Variants in EGFR observed in about 807,000 individuals in gnomAD.
EGFR encodes avian erythroblastic leukemia viral (v-erb-b) oncogene homolog.
In EGFR, 58 loss-of-function variants were observed where a neutral mutation model predicts 143.0. That is an observed-to-expected ratio of 0.41 (90% CI 0.33 to 0.50). The LOEUF (loss-of-function observed/expected upper bound fraction) is 0.50, where lower values mean the gene tolerates loss of function less well. Ranked by LOEUF, EGFR falls within the 20% of genes least tolerant of loss-of-function variation. The pLI is 0.39. For missense variants in EGFR, 1,307 were observed against 1,579.0 expected, an observed-to-expected ratio of 0.83 and a Z score of 2.92; for synonymous variants, 613 against 594.4, an observed-to-expected ratio of 1.03 and a Z score of -0.45.
Position 55,143,379 on chromosome 7 carries a change from G to C in EGFR, c.315G>C (p.Gln105His), listed in dbSNP as rs141271101. Residue 105 changes from glutamine (Q) to histidine (H), a missense_variant, in exon 3 of 28, where the codon CAG becomes CAC. By Grantham distance (24) the Gln-to-His change is conservative. Transcript: ENST00000275493. ...TVERIPLENL[Q>H]IIRGNMYYEN... is the part of the protein sequence containing the mutation. ...AGCGAATTCCTTTGGAAAACCTGCA[G>C]ATCATCAGAGGAAATATGTACTACG... 2.5e-6 allele frequency: 4 copies of C among 1,614,226 alleles called. No homozygotes were observed. The East Asian group carries it at 8.9e-5, about 36-fold the overall frequency.
chr7:55,044,511 G>T (rs1788077978), intron 1 of EGFR, among the ~76,000 whole-genome samples: 1 of 152,204 alleles, frequency 6.6e-6, no homozygotes, highest in African/African-American at 2.4e-5. Context: ...CTCAGCAGCT[G>T]CCCAGATCCC....
At chr7:55,083,560 C>T (rs115807846) in intron 1 of EGFR, among the ~76,000 whole-genome samples, 7 of 152,328 alleles carry the variant, frequency 4.6e-5, no homozygotes, top group African/African-American at 1.7e-4. Context: ...TGCAGTATAA[C>T]CAAAACAGGC....
Position 55,155,928 on chromosome 7 carries a change from G to GGC in EGFR, c.988_989insGC (p.Glu330GlyfsTer12). The GGC allele has an allele frequency of 6.2e-7, 1 of 1,613,752 alleles. No homozygotes were observed. Among genetic ancestry groups the GGC allele is most frequent in the Non-Finnish European group, 8.5e-7 (1 of 1,179,874 alleles). On this transcript the variant is annotated frameshift_variant, in exon 8 of 28. Coordinates refer to ENST00000275493, the MANE Select transcript of EGFR (RefSeq NM_005228.5). LOFTEE classifies it high-confidence loss of function. Reference sequence around the variant, plus strand: ...CGGCGTCCGCAAGTGTAAGAAGTGCGAAGGGCCTTGCCGCAAAGGTAGGAA... The same window carrying GGC: ...CGGCGTCCGCAAGTGTAAGAAGTGCGGCAAGGGCCTTGCCGCAAAGGTAGGAA...
intron 1 of EGFR, among the ~76,000 whole-genome samples, chr7:55,051,693 A>T (rs1055533313): frequency 1.1e-4 from 17 of 152,212 alleles, no homozygotes; most frequent in Non-Finnish European, 2.1e-4. Flanking sequence ...ACCTTTAAAG[A>T]CTGCCAGTCC....
At chr7:55,201,131 A>G (rs2128971351) in intron 24 of EGFR, 57 bp from the exon 25 acceptor site, 2 of 1,611,682 alleles carry the variant, frequency 1.2e-6, no homozygotes, top group Non-Finnish European at 1.7e-6. Context: ...CCTATAGCCA[A>G]GAAGTGGAAT....
In EGFR at chr7:55,202,136, T is replaced by C. The variant is rs189636543; in HGVS notation, c.3162+354T>C. Among the ~76,000 whole-genome samples, 520 of 152,340 alleles carry C rather than the reference T, an allele frequency of 3.4e-3. 1 individual carries two copies. The highest frequency in any genetic ancestry group is 5.1e-3 in the Non-Finnish European group (344 of 68,016). On this transcript the variant is annotated intron_variant, in intron 26 of 27. Coordinates refer to ENST00000275493, the MANE Select transcript of EGFR (RefSeq NM_005228.5). ...CCGTGGTCTAGACCGCACTGTGCCA[T>C]GCAGAAACCACTAGCCACATGTGGC...
intron 14 of EGFR, among the ~76,000 whole-genome samples, chr7:55,164,868 A>C (rs1785887675): frequency 6.6e-6 from 1 of 152,076 alleles, no homozygotes; most frequent in Non-Finnish European, 1.5e-5. Flanking sequence ...CTGGAGAAAC[A>C]CTCATGTGGG....
At chr7:55,175,199 G>A (rs1002365938) in intron 19 of EGFR, among the ~76,000 whole-genome samples, 1 of 152,220 alleles carries the variant, frequency 6.6e-6, no homozygotes, top group African/African-American at 2.4e-5. Flanking sequence ...CTGGGATAGG[G>A]TTTAAGCCCC....
chr7:55,091,969 G>A (rs868652298), intron 1 of EGFR, among the ~76,000 whole-genome samples: 2 of 151,626 alleles, frequency 1.3e-5, no homozygotes, highest in Non-Finnish European at 2.9e-5. Context: ...CTCTAATGAA[G>A]GTTTATTAAT....
At chr7:55,201,905 G>T (rs1411407098) in intron 26 of EGFR, 123 bp downstream of exon 26, 2 of 1,216,522 alleles carry the variant, frequency 1.6e-6, no homozygotes, top group African/African-American at 1.5e-5. Context: ...TCCTGTGTGG[G>T]TTTTTCCCTG....
chr7:55,073,423 A>T (rs1213388210), intron 1 of EGFR, among the ~76,000 whole-genome samples: 1 of 152,218 alleles, frequency 6.6e-6, no homozygotes, highest in Non-Finnish European at 1.5e-5. Flanking sequence ...ACATGCTGGA[A>T]AGGCTTCTGC....
At chr7:55,067,266 C>T (rs1159550268) in intron 1 of EGFR, among the ~76,000 whole-genome samples, 1 of 146,010 alleles carries the variant, frequency 6.8e-6, no homozygotes, top group Non-Finnish European at 1.5e-5. Flanking sequence ...GCTGTCGTCT[C>T]CTGCAATGCT....
intron 1 of EGFR, among the ~76,000 whole-genome samples, chr7:55,096,908 C>T (rs927772339): frequency 2.6e-5 from 4 of 152,160 alleles, no homozygotes; most frequent in African/African-American, 9.7e-5. Flanking sequence ...AGCACATGTG[C>T]TTGGGGAATG....
intron 3 of EGFR, among the ~76,000 whole-genome samples, chr7:55,144,582 C>A (rs1584147352): frequency 6.6e-6 from 1 of 152,220 alleles, no homozygotes; most frequent in Admixed American, 6.5e-5. Context: ...CAAGCCAGCA[C>A]CTCTGGTCAT....
At chr7:55,070,796 T>C (rs1369852047) in intron 1 of EGFR, among the ~76,000 whole-genome samples, 2 of 152,238 alleles carry the variant, frequency 1.3e-5, no homozygotes, top group Non-Finnish European at 2.9e-5. Context: ...TTTCTATCCG[T>C]AGACAGAACC....
At chr7:55,059,167 T>G (rs1358959779) in intron 1 of EGFR, among the ~76,000 whole-genome samples, 7 of 152,236 alleles carry the variant, frequency 4.6e-5, no homozygotes, top group African/African-American at 1.7e-4. Context: ...GCAACTCAGA[T>G]TTCCAAGTAA....
intron 1 of EGFR, among the ~76,000 whole-genome samples, chr7:55,027,989 AAAATATATATATATATATATATAT>A (rs1396455488): frequency 5.4e-5 from 4 of 74,038 alleles, no homozygotes; most frequent in Non-Finnish European, 7.5e-5. Flanking sequence ...AAAAAAAAAA[AAAATATATATATATATATATATAT>A]ATATATATAT....
rs1375170896 is a variant in EGFR at position 55,106,396 on chromosome 7, T to C, written c.89-35890T>C. Among the ~76,000 whole-genome samples, 3 of 152,220 alleles carry C rather than the reference T, an allele frequency of 2.0e-5. No homozygotes were observed. In the East Asian group the frequency reaches 5.8e-4, roughly 29 times the overall value. On this transcript the variant is annotated intron_variant, in intron 1 of 27. Coordinates refer to ENST00000275493, the MANE Select transcript of EGFR (RefSeq NM_005228.5). ...TGAGAACCCTAGTAAGTCCCTCCAG[T>C]GGGGCAAGCCCACCTTTTCCCTTCA...
intron 23 of EGFR, among the ~76,000 whole-genome samples, chr7:55,199,434 A>G (rs975354087): frequency 4.6e-5 from 7 of 152,242 alleles, no homozygotes; most frequent in African/African-American, 1.7e-4. Flanking sequence ...AGCATTTGCA[A>G]AAGAAAGTTG....
Sources: gnomAD v4.1 joint callset for allele counts (sites outside exome capture counted in the v4.1 genomes callset) on GRCh38, gnomAD v4.1.1 for gene constraint, MANE v1.5 for transcripts, NCBI Gene and HGNC (gene_info 2026-07-23, HGNC 2026-07-21) for gene names.